The following PRKAR2A variants were observed in gnomAD, a reference collection of about 807,000 sequenced individuals.
PRKAR2A encodes cAMP-dependent protein kinase type II-alpha regulatory subunit.
A neutral mutation model predicts 51.9 loss-of-function variants in PRKAR2A; 29 were observed. The observed-to-expected ratio is 0.56, with a 90% CI of 0.42 to 0.76. The LOEUF is 0.76. Ranked by LOEUF, PRKAR2A falls within the 30% of genes least tolerant of loss-of-function variation. PRKAR2A has a pLI of 0.00. For synonymous variants in PRKAR2A, 178 were observed against 186.2 expected, an observed-to-expected ratio of 0.96 and a Z score of 0.36; for missense variants, 445 against 512.1, an observed-to-expected ratio of 0.87 and a Z score of 1.26.
chr3:48,792,209 C>G (rs984936205), intron 3 of PRKAR2A, among the ~76,000 whole-genome samples: 4 of 147,790 alleles, frequency 2.7e-5, no homozygotes, highest in Non-Finnish European at 6.0e-5. Flanking sequence ...TGGCGCAATT[C>G]TGGCTCACTG....
intron 1 of PRKAR2A, among the ~76,000 whole-genome samples, chr3:48,824,538 A>G (rs927413447): frequency 1.4e-5 from 2 of 145,634 alleles, no homozygotes; most frequent in African/African-American, 5.1e-5. Flanking sequence ...ACATTCCAAA[A>G]TCATAAGAAA....
chr3:48,813,600 A>G (rs917130805), intron 1 of PRKAR2A, among the ~76,000 whole-genome samples: 9 of 152,178 alleles, frequency 5.9e-5, no homozygotes, highest in African/African-American at 2.2e-4. Context: ...ATGCTGAGGC[A>G]GAAGAATCAC....
chr3:48,768,162 C>T lies in PRKAR2A; in HGVS notation c.697-2813G>A, dbSNP rs544715337. 2.0e-5 allele frequency among the ~76,000 whole-genome samples: 3 copies of T among 151,544 alleles called. No individual in the cohort carries two copies. The South Asian group carries it at 6.3e-4, about 32-fold the overall frequency. Reference sequence around the variant, plus strand: ...TACAAAAATTAGCCAGGCGTGGTGGCGTGCACTTGTGGTCCCAGTTACTGG... The same window carrying T: ...TACAAAAATTAGCCAGGCGTGGTGGTGTGCACTTGTGGTCCCAGTTACTGG... On this transcript the variant is annotated intron_variant, in intron 6 of 10. Coordinates refer to ENST00000265563, the MANE Select transcript of PRKAR2A (RefSeq NM_004157.4).
intron 5 of PRKAR2A, among the ~76,000 whole-genome samples, chr3:48,775,944 C>G (rs2082098723): frequency 6.6e-6 from 1 of 151,962 alleles, no homozygotes; most frequent in Non-Finnish European, 1.5e-5. Flanking sequence ...CCCGTCTCTC[C>G]TAAAAATACA....
chr3:48,748,864 C>G lies in PRKAR2A; in HGVS notation c.*2721G>C, dbSNP rs556714765. 1 of 152,202 alleles carries G rather than the reference C, an allele frequency of 6.6e-6. No individual in the cohort carries two copies. Among genetic ancestry groups the G allele is most frequent in the Non-Finnish European group, 1.5e-5 (1 of 68,046 alleles). The allele number at this position is 152,202 out of a possible 1,614,324, so 9.4% of individuals were successfully genotyped here. ...TATGGGGTCACCACATGGGCTTTCC[C>G]AGTGCTAGCTGCCTGTTTTGGAAAG... is the stretch of plus-strand genomic sequence containing the variant. On this transcript the variant is annotated 3_prime_UTR_variant, in exon 11 of 11. Transcript: ENST00000265563.
At chr3:48,785,037 C>T (rs1228190331) in intron 4 of PRKAR2A, among the ~76,000 whole-genome samples, 1 of 151,776 alleles carries the variant, frequency 6.6e-6, no homozygotes. Context: ...TTATATTATA[C>T]CAACATTAAA....
chr3:48,797,552 G>A (rs975274437), intron 2 of PRKAR2A, among the ~76,000 whole-genome samples: 2 of 152,182 alleles, frequency 1.3e-5, no homozygotes, highest in South Asian at 4.2e-4. Flanking sequence ...GGCTTCCATT[G>A]TGTCCTATAC....
chr3:48,832,296 C>CAAAAA (rs75592481), intron 1 of PRKAR2A, among the ~76,000 whole-genome samples: 3 of 72,620 alleles, frequency 4.1e-5, no homozygotes, highest in Admixed American at 1.7e-4. Flanking sequence ...AACTTCATCT[C>CAAAAA]AAAAAAAAAA....
intron 2 of PRKAR2A, among the ~76,000 whole-genome samples, chr3:48,794,657 T>C (rs1212443688): frequency 1.3e-5 from 2 of 151,838 alleles, no homozygotes; most frequent in Non-Finnish European, 2.9e-5. Flanking sequence ...ATCATGCCAC[T>C]GCACTCCAGC....
intron 6 of PRKAR2A, among the ~76,000 whole-genome samples, chr3:48,770,276 C>T (rs181864502): frequency 6.6e-6 from 1 of 152,212 alleles, no homozygotes; most frequent in African/African-American, 2.4e-5. Flanking sequence ...CCCTGAAGTT[C>T]AAAAGAGAAA....
intron 1 of PRKAR2A, among the ~76,000 whole-genome samples, chr3:48,815,227 T>C (rs932232375): frequency 2.0e-5 from 3 of 151,990 alleles, no homozygotes; most frequent in African/African-American, 7.2e-5. Flanking sequence ...AATTTACCAG[T>C]TCTAAAGCCC....
intron 1 of PRKAR2A, among the ~76,000 whole-genome samples, chr3:48,825,213 T>C (rs2083042965): frequency 6.6e-6 from 1 of 151,724 alleles, no homozygotes; most frequent in African/African-American, 2.4e-5. Flanking sequence ...TTTGGGTTTC[T>C]CCATGTTGGT....
chr3:48,808,383 A>G (rs1441432370), intron 1 of PRKAR2A, among the ~76,000 whole-genome samples: 1 of 152,012 alleles, frequency 6.6e-6, no homozygotes, highest in African/African-American at 2.4e-5. Context: ...CCTCCCCAGT[A>G]GCTGGGACTA....
intron 1 of PRKAR2A, among the ~76,000 whole-genome samples, chr3:48,812,757 C>T (rs1320762450): frequency 1.3e-5 from 2 of 152,140 alleles, no homozygotes; most frequent in Non-Finnish European, 2.9e-5. Context: ...GCTGGGATTA[C>T]AAGGCGTGAG....
At chr3:48,813,362 C>T (rs960230958) in intron 1 of PRKAR2A, among the ~76,000 whole-genome samples, 2 of 152,018 alleles carry the variant, frequency 1.3e-5, no homozygotes, top group Non-Finnish European at 2.9e-5. Flanking sequence ...ATCATCAAGC[C>T]ACTGCATTAC....
chr3:48,774,135 AT>A (rs935552519), intron 5 of PRKAR2A, among the ~76,000 whole-genome samples: 3 of 151,760 alleles, frequency 2.0e-5, no homozygotes, highest in Non-Finnish European at 2.9e-5. Context: ...GCCCGGCCTA[AT>A]TTTTTTTCTT....
intron 5 of PRKAR2A, among the ~76,000 whole-genome samples, chr3:48,779,944 G>C (rs1175965508): frequency 1.3e-5 from 2 of 151,610 alleles, no homozygotes; most frequent in Non-Finnish European, 2.9e-5. Flanking sequence ...GGTGGATCAC[G>C]AGGTCAAGAG....
At chr3:48,763,776 G>A (rs959843176) in intron 8 of PRKAR2A, among the ~76,000 whole-genome samples, 6 of 151,690 alleles carry the variant, frequency 4.0e-5, no homozygotes, top group African/African-American at 1.2e-4. Context: ...TCTCACTGTC[G>A]TTCATACTCT....
chr3:48,789,873 TCTTC>T (rs2082356888), intron 4 of PRKAR2A, among the ~76,000 whole-genome samples: 1 of 151,860 alleles, frequency 6.6e-6, no homozygotes. Flanking sequence ...TTCCTTCCTT[TCTTC>T]CTTTTCTTTC....
Sources: gnomAD v4.1 joint callset for allele counts (sites outside exome capture counted in the v4.1 genomes callset) on GRCh38, gnomAD v4.1.1 for gene constraint, MANE v1.5 for transcripts, NCBI Gene and HGNC (gene_info 2026-07-23, HGNC 2026-07-21) for gene names.